Variants in BRD8 observed in about 807,000 individuals in gnomAD.
The protein encoded by BRD8 is bromodomain-containing protein 8.
In BRD8, 67 loss-of-function variants were observed where a neutral mutation model predicts 143.1. The observed-to-expected ratio is 0.47, with a 90% CI of 0.38 to 0.57. The LOEUF is 0.57. Ranked by LOEUF, BRD8 falls within the 20% of genes least tolerant of loss-of-function variation. The pLI, the probability that BRD8 is intolerant of heterozygous loss-of-function variation, is 0.00. For synonymous variants in BRD8, 505 were observed against 517.1 expected, an observed-to-expected ratio of 0.98 and a Z score of 0.32; for missense variants, 1,103 against 1,503.0, an observed-to-expected ratio of 0.73 and a Z score of 4.40.
chr5:138,146,247 G>A (rs1039768045), intron 23 of BRD8, among the ~76,000 whole-genome samples: 2 of 151,926 alleles, frequency 1.3e-5, no homozygotes, highest in African/African-American at 4.8e-5. Flanking sequence ...CCATAGAGAC[G>A]GGGTTTTGCC....
chr5:138,159,689 C>T (rs903453439), intron 19 of BRD8, 90 bp from the exon 20 acceptor site: 26 of 1,286,956 alleles, frequency 2.0e-5, no homozygotes, highest in Middle Eastern at 3.7e-4. Flanking sequence ...ACAAGCACCA[C>T]ACACACAAGG....
intron 2 of BRD8, among the ~76,000 whole-genome samples, chr5:138,175,697 TAA>T (rs11369426): frequency 1.3e-4 from 18 of 139,032 alleles, no homozygotes; most frequent in African/African-American, 4.8e-4. Context: ...ATATTTAAAT[TAA>T]AAAAAAAAAA....
intron 7 of BRD8, 48 bp downstream of exon 7, chr5:138,170,297 C>T (rs373687204): frequency 2.5e-6 from 3 of 1,214,886 alleles, no homozygotes; most frequent in African/African-American, 3.0e-5. Flanking sequence ...CATTAGCATG[C>T]AGTACTGTGC....
chr5:138,166,107 C>T lies in BRD8; in HGVS notation c.999G>A (p.Val333=), dbSNP rs1437299894. The change falls in exon 11 of 27, where the codon GTG becomes GTA. Residue 333 remains valine, a splice_region_variant and synonymous_variant. Transcript: ENST00000254900. ...TGGGAACACAGTTGTCGGGTTGACT[C>T]ACTGAGTAACAGAAAGAGAAAAGCA... ...AVSTTESVAP[V]SQPDNCVPME... 6.2e-7 allele frequency: 1 copy of T among 1,609,318 alleles called. No individual in the cohort carries two copies. The highest frequency in any genetic ancestry group is 8.5e-7 in the Non-Finnish European group (1 of 1,178,174).
At chr5:138,168,220 T>C in intron 8 of BRD8, 142 bp from the exon 9 acceptor site, 2 of 703,694 alleles carry the variant, frequency 2.8e-6, no homozygotes. Context: ...CAAGGGAAAC[T>C]CTAAACTATA....
At chr5:138,156,930 G>T in intron 20 of BRD8, 1 of 1,227,982 alleles carries the variant, frequency 8.1e-7, no homozygotes, top group Non-Finnish European at 1.0e-6. Flanking sequence ...TTCACTGGTG[G>T]TTGTTTTTTT....
chr5:138,171,389 C>T lies in BRD8; in HGVS notation c.208G>A (p.Glu70Lys). Residue 70 changes from glutamate (E) to lysine (K), a missense_variant, in exon 4 of 27, where the codon GAG becomes AAG. Around this residue, in one of 7 missense-constraint regions of BRD8, gnomAD observed 69 missense variants for 121.6 expected, o/e 0.57. Coordinates refer to ENST00000254900, the MANE Select transcript of BRD8 (RefSeq NM_139199.2). ...GGTGTCTCAGTGGTCTCTAAAAGCT[C>T]CGAGTACTGGGAAGCACAATGCTAT... Reference protein sequence around the residue: ...SQKHCASQYSELLETTETPKR... With the variant: ...SQKHCASQYSKLLETTETPKR... 3 of 1,599,606 alleles carry T rather than the reference C, an allele frequency of 1.9e-6. No homozygotes were observed. Among genetic ancestry groups the T allele is most frequent in the Non-Finnish European group, 2.6e-6 (3 of 1,176,126 alleles).
Position 138,150,737 on chromosome 5 carries a change from T to C in BRD8, c.3120+8A>G, listed in dbSNP as rs217272. 0.24 allele frequency: 379,285 copies of C among 1,598,768 alleles called. 49,720 individuals carry two copies. The highest frequency in any genetic ancestry group is 0.41 in the East Asian group (18,331 of 44,700). On this transcript the variant is annotated splice_region_variant and intron_variant, in intron 22 of 26. Transcript: ENST00000254900. ...CAACAAGACAGCTGATTTAAGTTAC[T>C]TTCTTACCTCTTCACTCTCTGTGAG...
intron 20 of BRD8, among the ~76,000 whole-genome samples, chr5:138,156,680 T>C (rs967017957): frequency 6.6e-6 from 1 of 152,208 alleles, no homozygotes; most frequent in Non-Finnish European, 1.5e-5. Flanking sequence ...TCCTGCGCAA[T>C]GCAACACCTT....
chr5:138,144,664 G>A (rs1337201622), intron 25 of BRD8, among the ~76,000 whole-genome samples: 4 of 152,126 alleles, frequency 2.6e-5, no homozygotes, highest in African/African-American at 9.7e-5. Flanking sequence ...GCCTTTGGAA[G>A]GCCTAGGCAG....
At chr5:138,173,184 G>C (rs1173841236) in intron 2 of BRD8, among the ~76,000 whole-genome samples, 1 of 152,178 alleles carries the variant, frequency 6.6e-6, no homozygotes, top group African/African-American at 2.4e-5. Context: ...GACTGCTTGA[G>C]ATGAGGAGTT....
chr5:138,141,196 C>T (rs887173082), intron 25 of BRD8, among the ~76,000 whole-genome samples: 1 of 151,394 alleles, frequency 6.6e-6, no homozygotes, highest in Non-Finnish European at 1.5e-5. Context: ...ATGGAGCAAT[C>T]TCAGCTCACT....
chr5:138,177,434 C>T (rs2151227050), intron 2 of BRD8, 137 bp downstream of exon 2: 1 of 558,098 alleles, frequency 1.8e-6, no homozygotes, highest in Non-Finnish European at 3.2e-6. Context: ...CAGAAGGAGA[C>T]TCAGTCTCAA....
In BRD8 at chr5:138,177,633, T is replaced by C. The variant is rs1395475703; in HGVS notation, c.54A>G (p.Pro18=). 3.7e-6 allele frequency: 6 copies of C among 1,606,262 alleles called. No individual in the cohort carries two copies. The highest frequency in any genetic ancestry group is 2.2e-5 in the South Asian group (2 of 90,774). Residue 18 remains proline (P), a synonymous_variant, in exon 2 of 27, where the codon CCA becomes CCG. Coordinates refer to ENST00000254900, the MANE Select transcript of BRD8 (RefSeq NM_139199.2). ...HKLLSTGPTE[P]WSIREKLCLA... is the part of the protein sequence containing the mutation. ...AACATAGCTTCTCTCGGATGGACCA[T>C]GGCTCTGTGGGGCCAGTGCTTAGCA...
At chr5:138,169,911 A>T (rs1252588045) in intron 7 of BRD8, among the ~76,000 whole-genome samples, 1 of 152,210 alleles carries the variant, frequency 6.6e-6, no homozygotes, top group Admixed American at 6.5e-5. Context: ...GTGACCCAAG[A>T]TCGCGCCACT....
chr5:138,162,189 A>C (rs1261507225), intron 15 of BRD8, 43 bp from the exon 16 acceptor site: 2 of 1,440,024 alleles, frequency 1.4e-6, no homozygotes, highest in African/African-American at 1.4e-5. Flanking sequence ...CAAGTTAAAA[A>C]ATAAAAATTA....
chr5:138,149,633 C>T lies in BRD8; in HGVS notation c.3278+7G>A, dbSNP rs750461020. 1.3e-5 allele frequency: 21 copies of T among 1,583,854 alleles called. No individual in the cohort carries two copies. In the South Asian group the frequency reaches 1.6e-4, roughly 12 times the overall value. Reference sequence around the variant, plus strand: ...CTTAACAAACTTGGATGAAAGTCTACGCTTACAGCTTTGAGGAGGTAGCAT... The same window carrying T: ...CTTAACAAACTTGGATGAAAGTCTATGCTTACAGCTTTGAGGAGGTAGCAT... On this transcript the variant is annotated splice_region_variant and intron_variant, in intron 23 of 26. Transcript: ENST00000254900.
At chr5:138,143,090 G>A (rs1263014330) in intron 25 of BRD8, among the ~76,000 whole-genome samples, 2 of 151,810 alleles carry the variant, frequency 1.3e-5, no homozygotes, top group Admixed American at 6.6e-5. Flanking sequence ...TCTGAGACAA[G>A]CCTGGGCACC....
chr5:138,168,325 C>T (rs1753606390), intron 8 of BRD8: 3 of 707,688 alleles, frequency 4.2e-6, no homozygotes. Flanking sequence ...TATCAACTTA[C>T]TGTATTTTTA....
Sources: gnomAD v4.1 joint callset for allele counts (sites outside exome capture counted in the v4.1 genomes callset) on GRCh38, gnomAD v4.1.1 for gene constraint, gnomAD v4.1.1 regional missense constraint, MANE v1.5 for transcripts, NCBI Gene and HGNC (gene_info 2026-07-23, HGNC 2026-07-21) for gene names.